ADCY9: variants seen among roughly 807,000 people sequenced by gnomAD.
The protein encoded by ADCY9 is adenylate cyclase 9.
A neutral mutation model predicts 101.5 loss-of-function variants in ADCY9; 50 were observed. The observed-to-expected ratio is 0.49, with a 90% CI of 0.39 to 0.62. The LOEUF is 0.62. Among genes scored for constraint, ADCY9 ranks in the 20% least tolerant of loss-of-function variants. The pLI is 0.00. For synonymous variants in ADCY9, 905 were observed against 769.3 expected, an observed-to-expected ratio of 1.18 and a Z score of -2.92; for missense variants, 1,662 against 1,800.4, an observed-to-expected ratio of 0.92 and a Z score of 1.39.
intron 2 of ADCY9, among the ~76,000 whole-genome samples, chr16:4,023,839 G>A (rs1056840563): frequency 6.6e-6 from 1 of 151,936 alleles, no homozygotes; most frequent in Non-Finnish European, 1.5e-5. Context: ...GAACCCAGGA[G>A]GTGGAGGCTG....
At chr16:3,987,724 T>C (rs2056205625) in intron 6 of ADCY9, among the ~76,000 whole-genome samples, 1 of 152,154 alleles carries the variant, frequency 6.6e-6, no homozygotes, top group Admixed American at 6.5e-5. Context: ...AGGGTCTCTC[T>C]AGAGCCCAAG....
intron 2 of ADCY9, among the ~76,000 whole-genome samples, chr16:4,059,786 C>T (rs1297764254): frequency 6.6e-6 from 1 of 152,072 alleles, no homozygotes; most frequent in South Asian, 2.1e-4. Flanking sequence ...TAGTCTCAGC[C>T]ACTCAGGAGG....
At chr16:3,977,374 ATCTC>A in intron 9 of ADCY9, 104 bp downstream of exon 9, 1 of 1,397,112 alleles carries the variant, frequency 7.2e-7, no homozygotes, top group South Asian at 1.4e-5. Flanking sequence ...GATGGGAAAT[ATCTC>A]TATCGGGGCG....
At chr16:4,105,101 T>C (rs1043250712) in intron 2 of ADCY9, among the ~76,000 whole-genome samples, 1 of 152,096 alleles carries the variant, frequency 6.6e-6, no homozygotes, top group Non-Finnish European at 1.5e-5. Flanking sequence ...CAACCGTTTA[T>C]TAATCCAGAC....
At chr16:4,061,162 G>A (rs535526956) in intron 2 of ADCY9, among the ~76,000 whole-genome samples, 1 of 151,818 alleles carries the variant, frequency 6.6e-6, no homozygotes, top group Non-Finnish European at 1.5e-5. Context: ...TATCCAATCT[G>A]AAGAAGAAAT....
At chr16:4,112,406 T>C (rs1179356686) in intron 2 of ADCY9, among the ~76,000 whole-genome samples, 1 of 152,222 alleles carries the variant, frequency 6.6e-6, no homozygotes, top group African/African-American at 2.4e-5. Flanking sequence ...AGAAAGATGA[T>C]GTTCCCTTGC....
At chr16:4,037,590 A>G (rs1371007794) in intron 2 of ADCY9, among the ~76,000 whole-genome samples, 1 of 152,186 alleles carries the variant, frequency 6.6e-6, no homozygotes, top group Non-Finnish European at 1.5e-5. Flanking sequence ...AGTGGGATTA[A>G]TAATAGCCAT....
At chr16:3,962,002 G>T (rs1203614683), downstream of ADCY9, among the ~76,000 whole-genome samples, 1 of 151,812 alleles carries the variant, frequency 6.6e-6, no homozygotes, top group African/African-American at 2.4e-5. Context: ...CTCCAGCCTG[G>T]GTGACAGAGT....
intron 2 of ADCY9, among the ~76,000 whole-genome samples, chr16:4,038,337 C>T (rs1022207639): frequency 4.6e-5 from 7 of 151,124 alleles, no homozygotes; most frequent in Non-Finnish European, 1.0e-4. Context: ...GTCATGAGTG[C>T]TCCACCTTCT....
intron 2 of ADCY9, among the ~76,000 whole-genome samples, chr16:4,035,197 G>C (rs1169054430): frequency 4.6e-5 from 7 of 152,178 alleles, no homozygotes; most frequent in Non-Finnish European, 8.8e-5. Flanking sequence ...TTGGTAGACA[G>C]AGGCAGTTCT....
At chr16:4,106,945 C>T (rs779414212) in intron 2 of ADCY9, among the ~76,000 whole-genome samples, 14 of 152,230 alleles carry the variant, frequency 9.2e-5, no homozygotes, top group Non-Finnish European at 2.1e-4. Flanking sequence ...AGGCATTCTA[C>T]CTGAAAAGAC....
At chr16:4,025,769 AGAAGAAACCGACTC>A (rs1276452604) in intron 2 of ADCY9, among the ~76,000 whole-genome samples, 1 of 152,178 alleles carries the variant, frequency 6.6e-6, no homozygotes, top group Admixed American at 6.5e-5. Flanking sequence ...TCTATTGTGA[AGAAGAAACCGACTC>A]CCAGACTTTC....
intron 2 of ADCY9, among the ~76,000 whole-genome samples, chr16:4,016,097 T>C (rs910846169): frequency 6.6e-6 from 1 of 152,192 alleles, no homozygotes. Flanking sequence ...AAGACGGTGC[T>C]TGTCCTGAGA....
chr16:4,018,761 CTG>C (rs2056455145), intron 2 of ADCY9, among the ~76,000 whole-genome samples: 1 of 152,160 alleles, frequency 6.6e-6, no homozygotes, highest in African/African-American at 2.4e-5. Flanking sequence ...GTTTCCCAGA[CTG>C]TGTTTTCTTG....
chr16:4,034,777 A>AG (rs2056578596), intron 2 of ADCY9, among the ~76,000 whole-genome samples: 1 of 152,194 alleles, frequency 6.6e-6, no homozygotes, highest in Non-Finnish European at 1.5e-5. Context: ...GGAATGAAGA[A>AG]GGAGACTGAA....
intron 6 of ADCY9, among the ~76,000 whole-genome samples, chr16:3,987,726 G>A (rs986923168): frequency 6.6e-6 from 1 of 152,202 alleles, no homozygotes; most frequent in Non-Finnish European, 1.5e-5. Flanking sequence ...GGTCTCTCTA[G>A]AGCCCAAGCC....
At chr16:4,112,646 A>G (rs1308157354) in intron 2 of ADCY9, among the ~76,000 whole-genome samples, 1 of 152,016 alleles carries the variant, frequency 6.6e-6, no homozygotes. Flanking sequence ...CCCTTTCCTG[A>G]GGCTTTTAAC....
intron 2 of ADCY9, 41 bp downstream of exon 2, chr16:4,113,709 G>T: frequency 6.3e-7 from 1 of 1,577,796 alleles, no homozygotes; most frequent in South Asian, 1.2e-5. Context: ...ATACAATCAG[G>T]ATCAGGGAGG....
chr16:3,991,969 G>A (rs1446674862), intron 5 of ADCY9, among the ~76,000 whole-genome samples, 177 bp downstream of exon 5: 1 of 151,530 alleles, frequency 6.6e-6, no homozygotes, highest in Non-Finnish European at 1.5e-5. Context: ...TACTTGGGAG[G>A]CTGAGGCAGG....
Sources: gnomAD v4.1 joint callset for allele counts (sites outside exome capture counted in the v4.1 genomes callset) on GRCh38, gnomAD v4.1.1 for gene constraint, MANE v1.5 for transcripts, NCBI Gene and HGNC (gene_info 2026-07-23, HGNC 2026-07-21) for gene names.